OSBPL6: variants seen among roughly 807,000 people sequenced by gnomAD.
The protein encoded by OSBPL6 is oxysterol-binding protein-related protein 6.
A neutral mutation model predicts 125.8 loss-of-function variants in OSBPL6; 49 were observed. That is an observed-to-expected ratio of 0.39 (90% confidence interval 0.31 to 0.49). The LOEUF is 0.49. Among genes scored for constraint, OSBPL6 ranks in the 20% least tolerant of loss-of-function variants. OSBPL6 has a pLI of 0.88. For missense variants in OSBPL6, 986 were observed against 1,135.4 expected (o/e 0.87, Z 1.89); for synonymous variants, 394 against 391.8 (o/e 1.01, Z -0.07).
At chr2:178,281,894 C>G (rs67128474) in intron 1 of OSBPL6, among the ~76,000 whole-genome samples, 16,132 of 152,034 alleles carry the variant, frequency 0.11, 1,022 homozygotes, top group South Asian at 0.16. Context: ...AGCAAACCAC[C>G]GTGGCACACA....
intron 13 of OSBPL6, among the ~76,000 whole-genome samples, chr2:178,370,749 A>G (rs754776750): frequency 1.4e-4 from 21 of 152,298 alleles, no homozygotes; most frequent in African/African-American, 4.6e-4. Context: ...TAATCCATCA[A>G]TGTGACAGCC....
Position 178,264,652 on chromosome 2 carries a change from C to T in OSBPL6, c.-350-20275C>T, listed in dbSNP as rs537636254. ...CTTCCTCTGTGTGTGTATTTTCAGG[C>T]CCCTTACAATTGCATATTCTCCAAT... On this transcript the variant is annotated intron_variant, in intron 1 of 24. Transcript: ENST00000190611. 1.2e-4 allele frequency among the ~76,000 whole-genome samples: 19 copies of T among 152,240 alleles called. No homozygotes were observed. In the South Asian group the frequency reaches 3.7e-3, roughly 30 times the overall value.
chr2:178,261,025 G>A (rs567113912), intron 1 of OSBPL6, among the ~76,000 whole-genome samples: 3 of 152,138 alleles, frequency 2.0e-5, no homozygotes, highest in South Asian at 2.1e-4. Flanking sequence ...CCAGCTACTC[G>A]GGAGGCTGAG....
intron 1 of OSBPL6, among the ~76,000 whole-genome samples, chr2:178,203,152 G>A (rs1200449163): frequency 1.3e-5 from 2 of 152,112 alleles, no homozygotes; most frequent in Non-Finnish European, 2.9e-5. Flanking sequence ...ACTTTGGATA[G>A]TTTCTATTGC....
intron 5 of OSBPL6, among the ~76,000 whole-genome samples, chr2:178,328,973 A>G (rs183687159): frequency 1.2e-4 from 18 of 152,178 alleles, no homozygotes; most frequent in African/African-American, 3.4e-4. Flanking sequence ...CTCATTAAAT[A>G]CTCTTTGAAA....
At chr2:178,361,932 C>A in intron 13 of OSBPL6, 117 bp downstream of exon 13, 1 of 1,235,904 alleles carries the variant, frequency 8.1e-7, no homozygotes, top group South Asian at 1.8e-5. Flanking sequence ...GTACAGTTTG[C>A]AGAATTTCCC....
chr2:178,275,373 A>G (rs1242188172), intron 1 of OSBPL6, among the ~76,000 whole-genome samples: 3 of 152,112 alleles, frequency 2.0e-5, no homozygotes, highest in Admixed American at 2.0e-4. Context: ...TTAGCCGGGC[A>G]TGGTGATGGG....
intron 1 of OSBPL6, among the ~76,000 whole-genome samples, chr2:178,250,279 A>C (rs1251430883): frequency 6.6e-6 from 1 of 152,002 alleles, no homozygotes; most frequent in African/African-American, 2.4e-5. Context: ...TATTTTTGGT[A>C]CCTCCTTCTC....
chr2:178,258,777 T>C lies in OSBPL6; in HGVS notation c.-350-26150T>C, dbSNP rs767262027. On this transcript the variant is annotated intron_variant, in intron 1 of 24. Coordinates refer to ENST00000190611, the MANE Select transcript of OSBPL6 (RefSeq NM_032523.4). ...TGTTTTGACTTTTTTTTTTTTCCAC[T>C]GGAGACTACTTTTGCTTGTTCTTGA... Among the ~76,000 whole-genome samples the C allele has an allele frequency of 6.1e-4, 93 of 151,874 alleles. 1 individual carries two copies. The highest frequency in any genetic ancestry group is 2.0e-3 in the Admixed American group (30 of 15,272).
chr2:178,333,121 G>C (rs1008844154), intron 8 of OSBPL6, 80 bp downstream of exon 8: 1 of 1,489,790 alleles, frequency 6.7e-7, no homozygotes, highest in Non-Finnish European at 9.3e-7. Flanking sequence ...TGTGGCTCAC[G>C]TGTGTAATCC....
intron 3 of OSBPL6, among the ~76,000 whole-genome samples, chr2:178,309,191 C>A (rs1341697976): frequency 6.6e-6 from 1 of 152,208 alleles, no homozygotes; most frequent in East Asian, 1.9e-4. Context: ...CGCAAACCCA[C>A]TTTACCCTCT....
rs13427624 is a variant in OSBPL6 at position 178,319,591 on chromosome 2, A to G, written c.103-4586A>G. Among the ~76,000 whole-genome samples, 1,463 of 152,328 alleles carry G rather than the reference A, an allele frequency of 9.6e-3. 23 individuals carry two copies. The highest frequency in any genetic ancestry group is 0.034 in the African/African-American group (1,398 of 41,568). On this transcript the variant is annotated intron_variant, in intron 3 of 24. Coordinates refer to ENST00000190611, the MANE Select transcript of OSBPL6 (RefSeq NM_032523.4). ...CTTTATCTGGTCAGTCAGGCAGATC[A>G]TTAAATAGTCATTATTCAAAGGCTT...
At chr2:178,212,078 G>A (rs771978019) in intron 1 of OSBPL6, among the ~76,000 whole-genome samples, 4 of 152,096 alleles carry the variant, frequency 2.6e-5, no homozygotes, top group African/African-American at 7.2e-5. Context: ...CTTGTGCCTC[G>A]TGCTGTTGTG....
chr2:178,338,988 T>A lies in OSBPL6; in HGVS notation c.791-3T>A. ...CGTATTTTTATTTCTGATTTCTTATTAGATCTTGCACATTGCCAGTCAAAC... is the reference window on the plus strand; with the variant it reads ...CGTATTTTTATTTCTGATTTCTTATAAGATCTTGCACATTGCCAGTCAAAC... On this transcript the variant is annotated splice_polypyrimidine_tract_variant and splice_region_variant and intron_variant, in intron 9 of 24. Coordinates refer to ENST00000190611, the MANE Select transcript of OSBPL6 (RefSeq NM_032523.4). 1 of 1,605,078 alleles carries A rather than the reference T, an allele frequency of 6.2e-7. No homozygotes were observed. The highest frequency in any genetic ancestry group is 1.1e-5 in the South Asian group (1 of 89,816).
rs35367535 is a variant in OSBPL6 at position 178,198,617 on chromosome 2, C to CATAAATAAATAAATAAATAA, written c.-351+3964_-351+3983dup. On this transcript the variant is annotated intron_variant, in intron 1 of 24. Transcript: ENST00000190611. ...TTTAGGTGACAGCGAGACTCCATCTCATAAATAAATAAATAAATAAATAAA... is the reference window on the plus strand; with the variant it reads ...TTTAGGTGACAGCGAGACTCCATCTCATAAATAAATAAATAAATAAATAAATAAATAAATAAATAAATAAA... 2.2e-3 allele frequency among the ~76,000 whole-genome samples: 302 copies of CATAAATAAATAAATAAATAA among 137,412 alleles called. 3 individuals are homozygous for CATAAATAAATAAATAAATAA. Among genetic ancestry groups the CATAAATAAATAAATAAATAA allele is most frequent in the South Asian group, 3.0e-3 (12 of 4,026 alleles). The allele number at this position is 137,412 out of a possible 152,430, so 90.1% of individuals were successfully genotyped here. A position where few individuals can be genotyped will look rare whatever the true frequency, so the allele number is the denominator to read the frequency against.
At chr2:178,201,456 G>T (rs1466130882) in intron 1 of OSBPL6, among the ~76,000 whole-genome samples, 1 of 152,194 alleles carries the variant, frequency 6.6e-6, no homozygotes, top group East Asian at 1.9e-4. Flanking sequence ...TCACAGACAT[G>T]ATCATGGTGC....
At chr2:178,287,963 A>AT (rs11316513) in intron 2 of OSBPL6, among the ~76,000 whole-genome samples, 54,672 of 149,144 alleles carry the variant, frequency 0.37, 11,035 homozygotes, top group East Asian at 0.64. Flanking sequence ...AAACAGGTTG[A>AT]TTTTTTTTTT....
chr2:178,270,079 G>T (rs1015141264), intron 1 of OSBPL6, among the ~76,000 whole-genome samples: 1 of 152,172 alleles, frequency 6.6e-6, no homozygotes, highest in Admixed American at 6.5e-5. Context: ...CCAGACTTGC[G>T]GACTGCCTGG....
chr2:178,212,219 G>A (rs1185948907), intron 1 of OSBPL6, among the ~76,000 whole-genome samples: 1 of 152,156 alleles, frequency 6.6e-6, no homozygotes, highest in Non-Finnish European at 1.5e-5. Flanking sequence ...TGCTAATGGG[G>A]AGGATTAAGG....
Sources: allele counts gnomAD v4.1 joint callset (sites outside exome capture counted in the v4.1 genomes callset), GRCh38; gene constraint gnomAD v4.1.1; transcripts MANE v1.5; gene names NCBI Gene and HGNC (gene_info 2026-07-23, HGNC 2026-07-21).